Variants in SORCS1 observed in about 807,000 individuals in gnomAD.
SORCS1 encodes the protein sortilin related VPS10 domain containing receptor 1.
SORCS1 carries 60 observed loss-of-function variants against 146.1 expected under a neutral mutation model. That is an observed-to-expected ratio of 0.41 (90% CI 0.33 to 0.51). The LOEUF (loss-of-function observed/expected upper bound fraction) is 0.51, where lower values mean the gene tolerates loss of function less well. Ranked by LOEUF, SORCS1 falls within the 20% of genes least tolerant of loss-of-function variation. The pLI, the probability that SORCS1 is intolerant of heterozygous loss-of-function variation, is 0.21. For synonymous variants in SORCS1, 637 were observed against 584.0 expected (o/e 1.09, Z -1.31); for missense variants, 1,352 against 1,487.6 (o/e 0.91, Z 1.50).
chr10:107,041,133 G>GA (rs374564052), intron 1 of SORCS1, among the ~76,000 whole-genome samples: 1 of 152,062 alleles, frequency 6.6e-6, no homozygotes, highest in Non-Finnish European at 1.5e-5. Context: ...TAAGCAGGAA[G>GA]AAAAATGCAA....
intron 2 of SORCS1, among the ~76,000 whole-genome samples, chr10:106,910,914 A>G (rs1455026318): frequency 2.0e-5 from 3 of 152,246 alleles, no homozygotes; most frequent in Non-Finnish European, 4.4e-5. Context: ...AGTAGCAATA[A>G]CTAACATTTT....
intron 13 of SORCS1, among the ~76,000 whole-genome samples, chr10:106,676,920 A>C (rs898929342): frequency 6.6e-6 from 1 of 152,154 alleles, no homozygotes; most frequent in African/African-American, 2.4e-5. Context: ...CTTACCCATC[A>C]TGATTGCCTA....
chr10:106,643,163 A>G (rs1849183103), intron 18 of SORCS1, among the ~76,000 whole-genome samples: 3 of 152,244 alleles, frequency 2.0e-5, no homozygotes, highest in South Asian at 2.1e-4. Flanking sequence ...CAGGTAAGTT[A>G]CTTGCCTTTC....
At chr10:107,097,163 C>T (rs1026582121) in intron 1 of SORCS1, among the ~76,000 whole-genome samples, 3 of 152,152 alleles carry the variant, frequency 2.0e-5, no homozygotes, top group African/African-American at 7.2e-5. Context: ...AATAAAGGAA[C>T]TGAATAAAAA....
intron 1 of SORCS1, among the ~76,000 whole-genome samples, chr10:107,158,604 C>G (rs1168354121): frequency 1.3e-5 from 2 of 152,200 alleles, no homozygotes; most frequent in East Asian, 3.8e-4. Flanking sequence ...CTCCTGCTGT[C>G]TCTTAAGAAG....
At chr10:106,883,417 A>T (rs1247945709) in intron 2 of SORCS1, among the ~76,000 whole-genome samples, 8 of 144,000 alleles carry the variant, frequency 5.6e-5, no homozygotes, top group Non-Finnish European at 1.2e-4. Flanking sequence ...TAGCAAATGT[A>T]TTTTTTTTTT....
intron 5 of SORCS1, among the ~76,000 whole-genome samples, chr10:106,736,665 A>T (rs1231775466): frequency 7.8e-6 from 1 of 127,770 alleles, no homozygotes; most frequent in Non-Finnish European, 1.7e-5. Context: ...TGAATAGATC[A>T]TCTTAGCCTG....
intron 24 of SORCS1, among the ~76,000 whole-genome samples, chr10:106,585,759 G>T (rs1845195229): frequency 6.6e-6 from 1 of 152,296 alleles, no homozygotes; most frequent in South Asian, 2.1e-4. Context: ...GAATTTCACG[G>T]CCTTGCATAC....
At chr10:106,729,557 A>G (rs992517005) in intron 6 of SORCS1, among the ~76,000 whole-genome samples, 1 of 152,122 alleles carries the variant, frequency 6.6e-6, no homozygotes, top group African/African-American at 2.4e-5. Context: ...ATTCAACACA[A>G]AAGAGTAGCA....
chr10:106,703,431 T>C (rs1197238734), intron 8 of SORCS1, among the ~76,000 whole-genome samples: 1 of 152,160 alleles, frequency 6.6e-6, no homozygotes, highest in Non-Finnish European at 1.5e-5. Flanking sequence ...TATTGCCTCA[T>C]TTATCTCACT....
At chr10:106,977,936 T>A (rs1956101073) in intron 1 of SORCS1, among the ~76,000 whole-genome samples, 1 of 152,242 alleles carries the variant, frequency 6.6e-6, no homozygotes, top group Non-Finnish European at 1.5e-5. Flanking sequence ...GTGCGCATGA[T>A]ATGTTTGTGG....
intron 1 of SORCS1, among the ~76,000 whole-genome samples, chr10:107,097,320 A>C (rs1289657184): frequency 2.0e-5 from 3 of 152,190 alleles, no homozygotes; most frequent in African/African-American, 4.8e-5. Flanking sequence ...CTTTTAAGCA[A>C]ATTATTTATT....
intron 5 of SORCS1, among the ~76,000 whole-genome samples, chr10:106,748,307 A>T (rs192119468): frequency 6.6e-6 from 1 of 152,198 alleles, no homozygotes. Context: ...CTTTTTCATG[A>T]TTATAACATC....
intron 1 of SORCS1, among the ~76,000 whole-genome samples, chr10:107,038,695 G>A (rs1252806403): frequency 4.5e-5 from 3 of 66,866 alleles, no homozygotes; most frequent in Non-Finnish European, 9.2e-5. Flanking sequence ...TGGGCAGGGG[G>A]CGGGGGGGGA....
intron 1 of SORCS1, among the ~76,000 whole-genome samples, chr10:107,086,462 T>A (rs1215791479): frequency 6.6e-6 from 1 of 152,190 alleles, no homozygotes; most frequent in East Asian, 1.9e-4. Context: ...AAATAATAAA[T>A]TTATCAAACT....
chr10:106,844,671 G>A (rs1364986896), intron 2 of SORCS1, among the ~76,000 whole-genome samples: 6 of 146,954 alleles, frequency 4.1e-5, no homozygotes, highest in African/African-American at 1.0e-4. Flanking sequence ...ATGCTGGTGC[G>A]CTGCACCCAC....
intron 1 of SORCS1, among the ~76,000 whole-genome samples, chr10:106,957,533 T>A (rs1017065333): frequency 2.6e-5 from 4 of 152,146 alleles, no homozygotes; most frequent in African/African-American, 4.8e-5. Context: ...GGTTTTAACT[T>A]TCTTCTGACT....
intron 3 of SORCS1, among the ~76,000 whole-genome samples, chr10:106,779,547 ATTT>A (rs11357093): frequency 3.5e-5 from 3 of 84,834 alleles, no homozygotes; most frequent in Admixed American, 1.2e-4. Context: ...TATGGCCCAT[ATTT>A]TTTTTTTTTT....
At chr10:106,983,711 G>C (rs1430845813) in intron 1 of SORCS1, among the ~76,000 whole-genome samples, 2 of 152,116 alleles carry the variant, frequency 1.3e-5, no homozygotes, top group African/African-American at 4.8e-5. Context: ...AGTGTTCCCT[G>C]GTAAAGATTT....
Sources: gnomAD v4.1 joint callset for allele counts (sites outside exome capture counted in the v4.1 genomes callset) on GRCh38, gnomAD v4.1.1 for gene constraint, MANE v1.5 for transcripts, NCBI Gene and HGNC (gene_info 2026-07-23, HGNC 2026-07-21) for gene names.